MRPL48: variants seen among roughly 807,000 people sequenced by gnomAD.
MRPL48 encodes large ribosomal subunit protein mL48.
A neutral mutation model predicts 32.9 loss-of-function variants in MRPL48; 16 were observed. The ratio of observed to expected loss-of-function variants is 0.49; its 90% CI spans 0.33 to 0.74. The LOEUF is 0.74. Ranked by LOEUF, MRPL48 falls within the 30% of genes least tolerant of loss-of-function variation. The pLI is 0.02. For synonymous variants in MRPL48, 94 were observed against 89.2 expected, an observed-to-expected ratio of 1.05 and a Z score of -0.31; for missense variants, 206 against 245.3, an observed-to-expected ratio of 0.84 and a Z score of 1.07.
chr11:73,837,772 C>T (rs1202321117), intron 4 of MRPL48, among the ~76,000 whole-genome samples: 3 of 152,148 alleles, frequency 2.0e-5, no homozygotes, highest in African/African-American at 7.2e-5. Context: ...CCTTTCCTGC[C>T]TGGCTGGCCT....
At chr11:73,800,207 G>A (rs180993184) in intron 1 of MRPL48, among the ~76,000 whole-genome samples, 52 of 151,570 alleles carry the variant, frequency 3.4e-4, no homozygotes, top group African/African-American at 1.1e-3. Flanking sequence ...CCAGGAGTTC[G>A]AGACAGCATG....
intron 5 of MRPL48, among the ~76,000 whole-genome samples, chr11:73,851,914 AACGT>A (rs1294439581): frequency 3.6e-5 from 4 of 110,750 alleles, no homozygotes; most frequent in Non-Finnish European, 5.3e-5. Context: ...AGTTTCAGGG[AACGT>A]ACACACACAC....
intron 4 of MRPL48, among the ~76,000 whole-genome samples, chr11:73,834,445 C>T (rs114765662): frequency 0.015 from 2,303 of 151,920 alleles, 30 homozygotes; most frequent in Middle Eastern, 0.041. Flanking sequence ...CAGCAGGAAG[C>T]GGAAAGGGGA....
intron 2 of MRPL48, among the ~76,000 whole-genome samples, chr11:73,807,274 A>G (rs1947470208): frequency 6.6e-6 from 1 of 152,210 alleles, no homozygotes; most frequent in East Asian, 1.9e-4. Context: ...GCCACAGGAT[A>G]TAAAATAATG....
At chr11:73,849,406 G>C (rs1412438715) in intron 5 of MRPL48, among the ~76,000 whole-genome samples, 1 of 152,156 alleles carries the variant, frequency 6.6e-6, no homozygotes, top group African/African-American at 2.4e-5. Context: ...CAAAGTGCTG[G>C]GATTACGGGT....
intron 5 of MRPL48, among the ~76,000 whole-genome samples, chr11:73,856,303 T>C (rs1002373569): frequency 3.3e-5 from 5 of 152,216 alleles, no homozygotes; most frequent in Non-Finnish European, 5.9e-5. Context: ...AATTATTTTC[T>C]TCTGATTTTC....
intron 1 of MRPL48, among the ~76,000 whole-genome samples, chr11:73,799,211 G>T (rs1044258481): frequency 1.3e-5 from 2 of 152,036 alleles, no homozygotes; most frequent in African/African-American, 4.8e-5. Flanking sequence ...AATTAGCCGA[G>T]TGTAGTGGCA....
chr11:73,855,051 T>C (rs1487425076), intron 5 of MRPL48, among the ~76,000 whole-genome samples: 2 of 152,196 alleles, frequency 1.3e-5, no homozygotes, highest in Non-Finnish European at 2.9e-5. Flanking sequence ...ATATATAATG[T>C]ACATAGAACT....
intron 4 of MRPL48, among the ~76,000 whole-genome samples, chr11:73,840,553 G>A (rs1379427227): frequency 1.3e-5 from 2 of 152,164 alleles, no homozygotes; most frequent in Admixed American, 6.5e-5. Flanking sequence ...AGGCTAGAGT[G>A]CAGTGGTGTG....
intron 5 of MRPL48, among the ~76,000 whole-genome samples, chr11:73,847,670 T>C (rs1590995630): frequency 6.6e-6 from 1 of 152,300 alleles, no homozygotes; most frequent in East Asian, 1.9e-4. Flanking sequence ...GGTCTCAATC[T>C]CCTGACCTCG....
rs1047374276 is a variant in MRPL48, at chr11:73,862,595, C to T, written c.475-577C>T. Among the ~76,000 whole-genome samples the T allele has an allele frequency of 5.9e-5, 9 of 151,502 alleles. 1 individual carries two copies. Among genetic ancestry groups the T allele is most frequent in the Non-Finnish European group, 1.2e-4 (8 of 67,890 alleles). ...GCCTGGGGCCAACAGAGCAAGACTC[C>T]GTCTCAAAAATAAATAAATAAATAA... On this transcript the variant is annotated intron_variant, in intron 6 of 7. Transcript: ENST00000310614.
chr11:73,854,506 C>T (rs1948454611), intron 5 of MRPL48, among the ~76,000 whole-genome samples: 1 of 152,048 alleles, frequency 6.6e-6, no homozygotes, highest in Non-Finnish European at 1.5e-5. Context: ...AGACTGGTCT[C>T]AAGCTCCTGA....
intron 1 of MRPL48, among the ~76,000 whole-genome samples, chr11:73,800,960 C>A (rs1007512208): frequency 2.0e-5 from 3 of 151,846 alleles, no homozygotes; most frequent in African/African-American, 7.3e-5. Flanking sequence ...TACAGGCATG[C>A]GCCACCACGC....
intron 1 of MRPL48, among the ~76,000 whole-genome samples, chr11:73,801,302 T>C (rs922990524): frequency 7.2e-5 from 11 of 152,152 alleles, no homozygotes; most frequent in African/African-American, 2.4e-4. Context: ...TTGTTTGTCA[T>C]GGTTAATAGA....
rs1443071064 is a variant in MRPL48, at chr11:73,844,949, ACTCT to A, written c.350_353del (p.Leu117ProfsTer15). 1.2e-6 allele frequency: 2 copies of A among 1,610,304 alleles called. No homozygotes were observed. Among genetic ancestry groups the A allele is most frequent in the African/African-American group, 1.3e-5 (1 of 74,712 alleles). On this transcript the variant is annotated frameshift_variant, in exon 5 of 8. Transcript: ENST00000310614. LOFTEE classifies it high-confidence loss of function. ...GCCCAGTATGTTCACAACCTCTGCAACTCTCTCTCCATTAAAGTCGAGGAAAGGT... is the reference window on the plus strand; with the variant it reads ...GCCCAGTATGTTCACAACCTCTGCAACTCTCCATTAAAGTCGAGGAAAGGT...
intron 3 of MRPL48, among the ~76,000 whole-genome samples, chr11:73,813,959 T>C (rs924917353): frequency 1.4e-5 from 2 of 147,372 alleles, no homozygotes; most frequent in African/African-American, 2.5e-5. Flanking sequence ...GGGAATGGCG[T>C]GAACCCGGGA....
At chr11:73,795,516 T>C (rs1250253147) in intron 1 of MRPL48, among the ~76,000 whole-genome samples, 1 of 151,756 alleles carries the variant, frequency 6.6e-6, no homozygotes, top group African/African-American at 2.4e-5. Flanking sequence ...TAATATTCAC[T>C]CTTTTTTTTT....
intron 4 of MRPL48, among the ~76,000 whole-genome samples, chr11:73,836,656 A>G (rs1948109833): frequency 6.6e-6 from 1 of 152,236 alleles, no homozygotes; most frequent in Non-Finnish European, 1.5e-5. Context: ...TCCAAGACTC[A>G]GAGAAAGATT....
chr11:73,806,465 T>C (rs1286392195), intron 2 of MRPL48, among the ~76,000 whole-genome samples: 2 of 152,180 alleles, frequency 1.3e-5, no homozygotes, highest in African/African-American at 4.8e-5. Context: ...GACTACTCTA[T>C]GTAAAATATA....
Sources: gnomAD v4.1 joint callset for allele counts (sites outside exome capture counted in the v4.1 genomes callset) on GRCh38, gnomAD v4.1.1 for gene constraint, MANE v1.5 for transcripts, NCBI Gene and HGNC (gene_info 2026-07-23, HGNC 2026-07-21) for gene names.